SFXN1: variants seen among roughly 807,000 people sequenced by gnomAD.
SFXN1 encodes sideroflexin-1.
In SFXN1, 32 loss-of-function variants were observed where a neutral mutation model predicts 39.5. That is an observed-to-expected ratio of 0.81 (90% CI 0.61 to 1.09). The LOEUF (loss-of-function observed/expected upper bound fraction) is 1.09. Ranked by LOEUF, SFXN1 falls within the 50% of genes least tolerant of loss-of-function variation. SFXN1 has a pLI of 0.00. For missense variants in SFXN1, 402 were observed against 407.1 expected, an observed-to-expected ratio of 0.99 and a Z score of 0.11; for synonymous variants, 136 against 146.5, an observed-to-expected ratio of 0.93 and a Z score of 0.52.
intron 2 of SFXN1, among the ~76,000 whole-genome samples, chr5:175,494,930 C>T (rs1759803245): frequency 6.6e-6 from 1 of 152,276 alleles, no homozygotes; most frequent in Non-Finnish European, 1.5e-5. Flanking sequence ...AGCAGTTCCA[C>T]TTCTGGGAAT....
At chr5:175,492,406 G>C in intron 2 of SFXN1, 139 bp downstream of exon 2, 1 of 754,636 alleles carries the variant, frequency 1.3e-6, no homozygotes, top group Non-Finnish European at 2.0e-6. Context: ...AAAAAAGGAA[G>C]AAAAGAGTAA....
chr5:175,521,496 A>G (rs768054450), intron 8 of SFXN1, among the ~76,000 whole-genome samples: 3 of 152,206 alleles, frequency 2.0e-5, no homozygotes, highest in Non-Finnish European at 4.4e-5. Context: ...ATCACAAGGA[A>G]ACGGAAGCTT....
chr5:175,507,841 C>T (rs956359271), intron 2 of SFXN1, among the ~76,000 whole-genome samples: 1 of 152,028 alleles, frequency 6.6e-6, no homozygotes, highest in African/African-American at 2.4e-5. Context: ...GGCATGGTGG[C>T]GCATGCCTAT....
In SFXN1 at chr5:175,495,723, C is replaced by T. The variant is rs1203230318; in HGVS notation, c.164+3456C>T. Among the ~76,000 whole-genome samples the T allele has an allele frequency of 1.8e-4, 17 of 93,386 alleles. No homozygotes were observed. The East Asian group carries it at 4.2e-3, about 23-fold the overall frequency. 61.3% of individuals were successfully genotyped at this position (93,386 alleles called of 152,430 possible). On this transcript the variant is annotated intron_variant, in intron 2 of 10. Coordinates refer to ENST00000321442, the MANE Select transcript of SFXN1 (RefSeq NM_022754.7). ...CAGCCTGGGCAACAGAGCAAGACTTCGTCTCAAAAAAAAAAAAGGGTTAAA... is the reference window on the plus strand; with the variant it reads ...CAGCCTGGGCAACAGAGCAAGACTTTGTCTCAAAAAAAAAAAAGGGTTAAA...
chr5:175,484,513 C>T (rs1759376383), intron 1 of SFXN1, among the ~76,000 whole-genome samples: 1 of 152,230 alleles, frequency 6.6e-6, no homozygotes, highest in Non-Finnish European at 1.5e-5. Context: ...ATGCTGCGGA[C>T]CAACCAAGTG....
Position 175,526,638 on chromosome 5 carries a change from T to C in SFXN1, c.873T>C (p.Ser291=). Residue 291 remains serine, a splice_region_variant and synonymous_variant, in exon 11 of 11, where the codon AGT becomes AGC. Coordinates refer to ENST00000321442, the MANE Select transcript of SFXN1 (RefSeq NM_022754.7). ...PLCCALFPQK[S]SMSVTSLEAE... ...CCCTGTCATTTCTCCCTTATCCCAG[T>C]TCCATGTCTGTGACAAGCTTGGAGG... 6.2e-7 allele frequency: 1 copy of C among 1,613,866 alleles called. No individual in the cohort carries two copies. The highest frequency in any genetic ancestry group is 8.5e-7 in the Non-Finnish European group (1 of 1,179,700).
chr5:175,496,495 A>G (rs920340518), intron 2 of SFXN1, among the ~76,000 whole-genome samples: 1 of 152,198 alleles, frequency 6.6e-6, no homozygotes, highest in African/African-American at 2.4e-5. Context: ...AGAAATATAC[A>G]TGATTTTGCT....
chr5:175,524,819 A>G (rs576857041), intron 10 of SFXN1, among the ~76,000 whole-genome samples: 172 of 152,178 alleles, frequency 1.1e-3, no homozygotes, highest in Non-Finnish European at 2.2e-3. Context: ...TACAAATAAT[A>G]TGAATGAAAA....
chr5:175,481,024 T>C (rs1375483527), intron 1 of SFXN1, among the ~76,000 whole-genome samples: 1 of 152,238 alleles, frequency 6.6e-6, no homozygotes, highest in Admixed American at 6.5e-5. Context: ...AGTTTTTCTT[T>C]AGCAGCTGTT....
At chr5:175,515,020 C>T (rs147993397) in intron 7 of SFXN1, among the ~76,000 whole-genome samples, 2 of 151,656 alleles carry the variant, frequency 1.3e-5, no homozygotes, top group African/African-American at 2.4e-5. Context: ...TTGTTGTTGT[C>T]GTCGTTGTTT....
At chr5:175,490,375 T>G (rs1426633593) in intron 1 of SFXN1, among the ~76,000 whole-genome samples, 1 of 152,242 alleles carries the variant, frequency 6.6e-6, no homozygotes, top group Non-Finnish European at 1.5e-5. Flanking sequence ...ATAGCAGGCC[T>G]GATTTTTACC....
chr5:175,506,338 C>T (rs1346290208), intron 2 of SFXN1, among the ~76,000 whole-genome samples: 16 of 152,128 alleles, frequency 1.1e-4, no homozygotes, highest in East Asian at 3.9e-4. Flanking sequence ...GTATAAAATA[C>T]GCGTACAAAT....
Position 175,527,431 on chromosome 5 carries a change from T to C in SFXN1, c.*697T>C, listed in dbSNP as rs1035041526. ...TTTAATTTATTGTTTTTTGTTCTTA[T>C]AAAGATGATAATCTTACCTTGCAGT... is the stretch of plus-strand genomic sequence containing the variant. On this transcript the variant is annotated 3_prime_UTR_variant, in exon 11 of 11. Transcript: ENST00000321442. The C allele has an allele frequency of 6.6e-6, 1 of 152,258 alleles. No individual in the cohort carries two copies. The highest frequency in any genetic ancestry group is 1.5e-5 in the Non-Finnish European group (1 of 68,050). 9.4% of individuals were successfully genotyped at this position (152,258 alleles called of 1,614,324 possible).
intron 2 of SFXN1, among the ~76,000 whole-genome samples, chr5:175,508,172 T>C (rs1262353214): frequency 6.6e-6 from 1 of 151,854 alleles, no homozygotes; most frequent in Admixed American, 6.6e-5. Context: ...TATATATAAT[T>C]TCTTTTCTGG....
rs187435178 is a variant in SFXN1, at chr5:175,501,261, G to A, written c.165-7771G>A. Among the ~76,000 whole-genome samples, 130 of 151,968 alleles carry A rather than the reference G, an allele frequency of 8.6e-4. 1 individual carries two copies. In the East Asian group the frequency reaches 0.024, roughly 28 times the overall value. On this transcript the variant is annotated intron_variant, in intron 2 of 10. Transcript: ENST00000321442. ...TTTTTTGTATTTTTAATAGAGACAG[G>A]GTTTCACTGTGTTAGCCAGGATGGT...
chr5:175,502,756 G>A (rs914634103), intron 2 of SFXN1, among the ~76,000 whole-genome samples: 43 of 152,144 alleles, frequency 2.8e-4, no homozygotes, highest in Non-Finnish European at 5.7e-4. Context: ...CAGGAGAATC[G>A]CTTGAACCCG....
chr5:175,494,267 G>A (rs886583979), intron 2 of SFXN1, among the ~76,000 whole-genome samples: 1 of 152,068 alleles, frequency 6.6e-6, no homozygotes, highest in Non-Finnish European at 1.5e-5. Context: ...AAAACTTCCA[G>A]AAGCATCCAT....
At chr5:175,489,652 T>C (rs267376) in intron 1 of SFXN1, among the ~76,000 whole-genome samples, 98,802 of 152,194 alleles carry the variant, frequency 0.65, 32,567 homozygotes, top group African/African-American at 0.73. Flanking sequence ...TTTATTCCTG[T>C]GAAGCTGCTA....
intron 1 of SFXN1, among the ~76,000 whole-genome samples, chr5:175,484,917 G>A (rs1414842444): frequency 2.0e-5 from 3 of 152,208 alleles, no homozygotes; most frequent in Non-Finnish European, 2.9e-5. Context: ...TTTTTTAAGT[G>A]GGGCTCCTGT....
Sources: gnomAD v4.1 joint callset for allele counts (sites outside exome capture counted in the v4.1 genomes callset) on GRCh38, gnomAD v4.1.1 for gene constraint, MANE v1.5 for transcripts, NCBI Gene and HGNC (gene_info 2026-07-23, HGNC 2026-07-21) for gene names.